The following RIMS1 variants were observed in gnomAD, a reference collection of about 807,000 sequenced individuals.
RIMS1 encodes regulating synaptic membrane exocytosis 1.
A neutral mutation model predicts 214.1 loss-of-function variants in RIMS1; 83 were observed. That is an observed-to-expected ratio of 0.39 (90% CI 0.32 to 0.47). RIMS1 has a LOEUF of 0.47. Ranked by LOEUF, RIMS1 falls within the 20% of genes least tolerant of loss-of-function variation. RIMS1 has a pLI of 0.99. For missense variants in RIMS1, 2,050 were observed against 2,161.8 expected (o/e 0.95, Z 1.03); for synonymous variants, 793 against 786.8 (o/e 1.01, Z -0.13).
At chr6:72,234,927 A>G (rs564838303) in intron 7 of RIMS1, among the ~76,000 whole-genome samples, 74 of 152,020 alleles carry the variant, frequency 4.9e-4, no homozygotes, top group Admixed American at 7.9e-4. Flanking sequence ...TTTATCACTG[A>G]ATAATATTTT....
intron 28 of RIMS1, among the ~76,000 whole-genome samples, chr6:72,317,912 T>C (rs1563980864): frequency 6.6e-6 from 1 of 152,312 alleles, no homozygotes; most frequent in African/African-American, 2.4e-5. Flanking sequence ...GATTACTTAA[T>C]TAGGTTCAAG....
At chr6:71,923,780 T>A (rs1487341816) in intron 1 of RIMS1, among the ~76,000 whole-genome samples, 1 of 152,106 alleles carries the variant, frequency 6.6e-6, no homozygotes, top group South Asian at 2.1e-4. Flanking sequence ...ATCAGGCTGG[T>A]CTTGAACTGC....
chr6:71,936,592 G>C (rs1412949299), intron 1 of RIMS1, among the ~76,000 whole-genome samples: 1 of 152,126 alleles, frequency 6.6e-6, no homozygotes, highest in Non-Finnish European at 1.5e-5. Context: ...AGAAAATAAA[G>C]CTTCCTCTAT....
intron 4 of RIMS1, among the ~76,000 whole-genome samples, chr6:72,169,628 A>G (rs2496492): frequency 0.98 from 148,909 of 152,274 alleles, 72,886 homozygotes; most frequent in East Asian, 1. Context: ...TTATATCTGG[A>G]CACGGTGGCA....
chr6:71,984,808 T>G (rs2151521400), intron 2 of RIMS1, among the ~76,000 whole-genome samples: 1 of 148,842 alleles, frequency 6.7e-6, no homozygotes, highest in East Asian at 1.9e-4. Flanking sequence ...TATCTATCTA[T>G]CTATCTATCT....
Position 72,402,293 on chromosome 6 carries a change from C to A in RIMS1, c.*1579C>A, listed in dbSNP as rs2098839682. The A allele has an allele frequency of 6.6e-6, 1 of 152,658 alleles. No homozygotes were observed. The allele number at this position is 152,658 out of a possible 1,614,324, so 9.5% of individuals were successfully genotyped here. A position where few individuals can be genotyped will look rare whatever the true frequency, so the allele number is the denominator to read the frequency against. On this transcript the variant is annotated 3_prime_UTR_variant, in exon 34 of 34. Transcript: ENST00000521978. ...TACTATACCGAAATAACCAAGAAAT[C>A]TAAGCCATCCACTTTTGTTATAGAC...
At chr6:71,906,830 A>G (rs551541382) in intron 1 of RIMS1, among the ~76,000 whole-genome samples, 28 of 152,330 alleles carry the variant, frequency 1.8e-4, no homozygotes, top group African/African-American at 6.5e-4. Context: ...CACTTAGCAC[A>G]GCTTTTCACA....
At chr6:72,341,951 CT>C (rs1236307191) in intron 29 of RIMS1, among the ~76,000 whole-genome samples, 1 of 151,772 alleles carries the variant, frequency 6.6e-6, no homozygotes, top group African/African-American at 2.4e-5. Flanking sequence ...TTGCAGGACT[CT>C]TTCACAATTT....
chr6:72,342,626 GGT>G (rs113847815), intron 29 of RIMS1, among the ~76,000 whole-genome samples: 7,450 of 145,634 alleles, frequency 0.051, 500 homozygotes, highest in African/African-American at 0.16. Context: ...GAGTAAGATG[GGT>G]GTGTGTGTGT....
intron 1 of RIMS1, among the ~76,000 whole-genome samples, chr6:71,926,070 A>ATTG (rs1246749902): frequency 1.3e-5 from 2 of 152,028 alleles, no homozygotes; most frequent in Non-Finnish European, 2.9e-5. Flanking sequence ...CACTCTTTTT[A>ATTG]TTGTTGTTGT....
At chr6:72,386,423 T>C (rs186838345) in intron 29 of RIMS1, among the ~76,000 whole-genome samples, 34 of 152,262 alleles carry the variant, frequency 2.2e-4, no homozygotes, top group Non-Finnish European at 3.1e-4. Context: ...GGAGTCAACA[T>C]CGACATTACA....
In RIMS1 at chr6:72,249,442, A is replaced by G. The variant is rs987354240; in HGVS notation, c.2242-888A>G. On this transcript the variant is annotated intron_variant, in intron 12 of 33. Coordinates refer to ENST00000521978, the MANE Select transcript of RIMS1 (RefSeq NM_014989.7). ...TTTGAAGATGTCATTTGTGTATTGT[A>G]TCCTTAGTTTTTTCCTCCTTCTCTC... 3.9e-5 allele frequency among the ~76,000 whole-genome samples: 6 copies of G among 152,100 alleles called. No individual in the cohort carries two copies. In the East Asian group the frequency reaches 1.2e-3, roughly 29 times the overall value.
chr6:72,007,247 A>G (rs957401808), intron 2 of RIMS1, among the ~76,000 whole-genome samples: 1 of 152,216 alleles, frequency 6.6e-6, no homozygotes, highest in African/African-American at 2.4e-5. Context: ...ACTCCAACAG[A>G]CCTGCACCTG....
At chr6:72,091,885 G>A (rs1245344936) in intron 2 of RIMS1, among the ~76,000 whole-genome samples, 1 of 152,134 alleles carries the variant, frequency 6.6e-6, no homozygotes, top group East Asian at 1.9e-4. Flanking sequence ...TAAAATCGAA[G>A]TGTACAAATA....
chr6:71,945,660 T>C (rs1787574927), intron 1 of RIMS1, among the ~76,000 whole-genome samples: 1 of 151,966 alleles, frequency 6.6e-6, no homozygotes, highest in Non-Finnish European at 1.5e-5. Flanking sequence ...CTGGATGCCC[T>C]AGCCAGAGCA....
rs1420788362 is a variant in RIMS1 at position 72,291,960 on chromosome 6, A to G, written c.3764A>G (p.Gln1255Arg). Reference protein sequence around the residue: ...TRMHRQRSPTQSPPADTSFSS... With the variant: ...TRMHRQRSPTRSPPADTSFSS... ...ATGCACCGACAGAGAAGTCCAACAC[A>G]ATCTCCTCCAGCAGACACATCGTTC... Residue 1255 changes from glutamine (Q) to arginine (R), a missense_variant, in exon 26 of 34, where the codon CAA becomes CGA. Physicochemically the swap from Gln to Arg is conservative, Grantham distance 43. Transcript: ENST00000521978. 6.4e-7 allele frequency: 1 copy of G among 1,562,332 alleles called. No individual in the cohort carries two copies. Among genetic ancestry groups the G allele is most frequent in the Non-Finnish European group, 8.7e-7 (1 of 1,153,364 alleles).
chr6:72,155,854 A>G lies in RIMS1; in HGVS notation c.472-23721A>G, dbSNP rs1252668465. ...TGGGGACACAGAGCCAAACCATATC[A>G]CTGGCCCGTAGGTATATCAGTAGGG... is the stretch of plus-strand genomic sequence containing the variant. On this transcript the variant is annotated intron_variant, in intron 4 of 33. Coordinates refer to ENST00000521978, the MANE Select transcript of RIMS1 (RefSeq NM_014989.7). 1.4e-5 allele frequency among the ~76,000 whole-genome samples: 2 copies of G among 140,344 alleles called. 1 individual carries two copies. Among genetic ancestry groups the G allele is most frequent in the Non-Finnish European group, 3.2e-5 (2 of 61,754 alleles). 92.1% of individuals were successfully genotyped at this position (140,344 alleles called of 152,430 possible).
At chr6:72,116,735 T>C (rs1374187894) in intron 4 of RIMS1, among the ~76,000 whole-genome samples, 5 of 151,964 alleles carry the variant, frequency 3.3e-5, no homozygotes, top group Admixed American at 6.6e-5. Context: ...AATTTACATA[T>C]GGAAACTGAA....
intron 2 of RIMS1, among the ~76,000 whole-genome samples, chr6:71,972,274 A>G (rs1489702148): frequency 6.6e-6 from 1 of 152,202 alleles, no homozygotes; most frequent in East Asian, 1.9e-4. Flanking sequence ...GGTGGCATTT[A>G]CCATAGCATT....
Sources: allele counts gnomAD v4.1 joint callset (sites outside exome capture counted in the v4.1 genomes callset), GRCh38; gene constraint gnomAD v4.1.1; transcripts MANE v1.5; gene names NCBI Gene and HGNC (gene_info 2026-07-23, HGNC 2026-07-21).